Variants in FRRS1L observed in about 807,000 individuals in gnomAD.
The protein encoded by FRRS1L is ferric chelate reductase 1 like.
In FRRS1L, 22 loss-of-function variants were observed where a neutral mutation model predicts 28.6. That is an observed-to-expected ratio of 0.77 (90% CI 0.55 to 1.10). The LOEUF is 1.10. FRRS1L is among the 50% of genes least tolerant of loss of function. The pLI is 0.00. For missense variants in FRRS1L, 380 were observed against 386.9 expected (o/e 0.98, Z 0.15); for synonymous variants, 158 against 151.4 (o/e 1.04, Z -0.32).
chr9:109,144,685 T>G (rs1394894056), intron 3 of FRRS1L, among the ~76,000 whole-genome samples: 5 of 151,582 alleles, frequency 3.3e-5, no homozygotes, highest in Admixed American at 2.6e-4. Flanking sequence ...ATTTTCTTTT[T>G]CTTTTTCTTT....
intron 1 of FRRS1L, among the ~76,000 whole-genome samples, chr9:109,158,741 G>GA (rs1831441920): frequency 6.6e-6 from 1 of 152,174 alleles, no homozygotes. Context: ...TCATCAGTTT[G>GA]ATAGACATTT....
At chr9:109,142,465 C>T (rs1831200154) in intron 3 of FRRS1L, among the ~76,000 whole-genome samples, 1 of 152,066 alleles carries the variant, frequency 6.6e-6, no homozygotes, top group Admixed American at 6.5e-5. Flanking sequence ...TTTGGTGCTA[C>T]TGCACTCCAG....
intron 4 of FRRS1L, chr9:109,139,481 T>A: frequency 6.6e-6 from 1 of 152,218 alleles, no homozygotes; most frequent in East Asian, 1.9e-4. Flanking sequence ...ATCCTTACAA[T>A]ATTTCCATGG....
rs577708181 is a variant in FRRS1L, at chr9:109,156,086, G to A, written c.239-6366C>T. On this transcript the variant is annotated intron_variant, in intron 1 of 4. Transcript: ENST00000561981. Reference sequence around the variant, plus strand: ...ATTGTATCCAGAACTCAGGATTCCCGGTAATAATCTAGCCTCCGGATCAGG... The same window carrying A: ...ATTGTATCCAGAACTCAGGATTCCCAGTAATAATCTAGCCTCCGGATCAGG... Among the ~76,000 whole-genome samples the A allele has an allele frequency of 3.3e-5, 5 of 152,210 alleles. No individual in the cohort carries two copies. In the East Asian group the frequency reaches 9.7e-4, roughly 29 times the overall value.
chr9:109,142,681 C>T (rs963463738), intron 3 of FRRS1L, among the ~76,000 whole-genome samples: 1 of 152,036 alleles, frequency 6.6e-6, no homozygotes, highest in Non-Finnish European at 1.5e-5. Context: ...GGGCATGGGG[C>T]TCATGCCTGT....
chr9:109,143,601 G>A (rs886309706), intron 3 of FRRS1L, among the ~76,000 whole-genome samples: 1 of 143,608 alleles, frequency 7.0e-6, no homozygotes, highest in Non-Finnish European at 1.5e-5. Context: ...TGCAACCTCC[G>A]CCTCTCGGGT....
rs1831130511 is a variant in FRRS1L at position 109,137,614 on chromosome 9, T to C, written c.723A>G (p.Arg241=). The change falls in exon 5 of 5, where the codon CGA becomes CGG. Residue 241 remains arginine (R), a synonymous_variant. Transcript: ENST00000561981. The part of the protein sequence containing the change: ...WGPAIQGSIT[R]HDIDSPPASE... ...AAGCCGGCGGTGAGTCTATATCATG[T>C]CGAGTGATAGAGCCTTTAAGAAAAA... 2 of 1,588,358 alleles carry C rather than the reference T, an allele frequency of 1.3e-6. No individual in the cohort carries two copies. Among genetic ancestry groups the C allele is most frequent in the Non-Finnish European group, 1.7e-6 (2 of 1,165,460 alleles).
intron 1 of FRRS1L, among the ~76,000 whole-genome samples, chr9:109,159,447 A>G (rs4978773): frequency 6.6e-6 from 1 of 152,156 alleles, no homozygotes; most frequent in Non-Finnish European, 1.5e-5. Context: ...TGGGTGGATC[A>G]CGAGGTCAGG....
At chr9:109,161,839 TG>T (rs1315344949) in intron 1 of FRRS1L, among the ~76,000 whole-genome samples, 1 of 152,258 alleles carries the variant, frequency 6.6e-6, no homozygotes, top group Non-Finnish European at 1.5e-5. Flanking sequence ...CCTCAATTTT[TG>T]TTCCTTCTCT....
chr9:109,166,610 C>A (rs1831553043), intron 1 of FRRS1L, among the ~76,000 whole-genome samples: 1 of 152,052 alleles, frequency 6.6e-6, no homozygotes, highest in African/African-American at 2.4e-5. Flanking sequence ...TCAGCACCCA[C>A]CCCTATCCAC....
chr9:109,149,264 A>G (rs368472330), intron 2 of FRRS1L, among the ~76,000 whole-genome samples: 4 of 152,326 alleles, frequency 2.6e-5, no homozygotes, highest in Non-Finnish European at 5.9e-5. Flanking sequence ...TATTTACTAA[A>G]AAAGGAATTG....
chr9:109,163,477 C>T (rs1831504199), intron 1 of FRRS1L, among the ~76,000 whole-genome samples: 1 of 152,182 alleles, frequency 6.6e-6, no homozygotes, highest in Non-Finnish European at 1.5e-5. Context: ...ATTCTGAACA[C>T]TAGCATAACT....
In FRRS1L at chr9:109,153,465, T is replaced by C. The variant is rs377312785; in HGVS notation, c.239-3745A>G. 4.4e-4 allele frequency among the ~76,000 whole-genome samples: 67 copies of C among 152,342 alleles called. No homozygotes were observed. The East Asian group carries it at 6.0e-3, about 14-fold the overall frequency. ...TCCCACGAGGAGAAGGCATGGAAAC[T>C]CTGCCTTTGGGAGCCTCTCAGACCT... is the stretch of plus-strand genomic sequence containing the variant. On this transcript the variant is annotated intron_variant, in intron 1 of 4. Transcript: ENST00000561981.
chr9:109,159,494 G>A (rs1831454573), intron 1 of FRRS1L, among the ~76,000 whole-genome samples: 1 of 152,130 alleles, frequency 6.6e-6, no homozygotes, highest in African/African-American at 2.4e-5. Flanking sequence ...GTGAAACCCT[G>A]TCTTTACTAA....
intron 1 of FRRS1L, among the ~76,000 whole-genome samples, chr9:109,164,437 TC>T: frequency 6.7e-6 from 1 of 149,720 alleles, no homozygotes; most frequent in East Asian, 2.0e-4. Flanking sequence ...CACTCTGTTG[TC>T]CAGGATGGAG....
intron 4 of FRRS1L, 56 bp downstream of exon 4, chr9:109,141,287 G>T: frequency 6.3e-7 from 1 of 1,596,402 alleles, no homozygotes; most frequent in South Asian, 1.1e-5. Flanking sequence ...AATTAACAAT[G>T]AACACAAGCA....
At chr9:109,139,581 G>T (rs1298669373) in intron 4 of FRRS1L, 1 of 152,058 alleles carries the variant, frequency 6.6e-6, no homozygotes, top group Admixed American at 6.6e-5. Flanking sequence ...GCTACCAAGG[G>T]GCAGAACCAA....
rs552915339 is a variant in FRRS1L, at chr9:109,150,649, C to A, written c.239-929G>T. 2.0e-5 allele frequency: 3 copies of A among 152,302 alleles called. No homozygotes were observed. In the South Asian group the frequency reaches 6.2e-4, roughly 32 times the overall value. The allele number at this position is 152,302 out of a possible 1,614,324, so 9.4% of individuals were successfully genotyped here. A position where few individuals can be genotyped will look rare whatever the true frequency, so the allele number is the denominator to read the frequency against. On this transcript the variant is annotated intron_variant, in intron 1 of 4. Transcript: ENST00000561981. ...ACCATACCCAACTTGTCGCTAAATT[C>A]TTTAAACACATAATTTCTAACAGTT...
rs950667234 is a variant in FRRS1L, at chr9:109,130,786, T to A, written c.*6669A>T. ...GAGAAGCTGCATTCACTCTTCCCCA[T>A]GGCCAGGGCCTTCTATGTGATGAAA... On this transcript the variant is annotated 3_prime_UTR_variant, in exon 5 of 5. Coordinates refer to ENST00000561981, the MANE Select transcript of FRRS1L (RefSeq NM_014334.4). 6.6e-6 allele frequency: 1 copy of A among 152,228 alleles called. No individual in the cohort carries two copies. The allele number at this position is 152,228 out of a possible 1,614,324, so 9.4% of individuals were successfully genotyped here. A position where few individuals can be genotyped will look rare whatever the true frequency, so the allele number is the denominator to read the frequency against.
Sources: allele counts gnomAD v4.1 joint callset (sites outside exome capture counted in the v4.1 genomes callset), GRCh38; gene constraint gnomAD v4.1.1; transcripts MANE v1.5; gene names NCBI Gene and HGNC (gene_info 2026-07-23, HGNC 2026-07-21).